Variants in SDK1 observed in about 807,000 individuals in gnomAD.
SDK1 encodes the protein sidekick cell adhesion molecule 1.
A neutral mutation model predicts 245.5 loss-of-function variants in SDK1; 157 were observed. The observed-to-expected ratio is 0.64, with a 90% CI of 0.56 to 0.73. The LOEUF (loss-of-function observed/expected upper bound fraction) is 0.73, where lower values mean the gene tolerates loss of function less well. Ranked by LOEUF, SDK1 falls within the 30% of genes least tolerant of loss-of-function variation. The pLI is 0.00. For synonymous variants in SDK1, 1,647 were observed against 1,278.5 expected (o/e 1.29, Z -6.15); for missense variants, 3,583 against 3,002.3 (o/e 1.19, Z -4.52).
Position 3,473,932 on chromosome 7 carries a change from G to A in SDK1, c.299-145148G>A, listed in dbSNP as rs554451292. Among the ~76,000 whole-genome samples, 3 of 151,980 alleles carry A rather than the reference G, an allele frequency of 2.0e-5. No homozygotes were observed. The East Asian group carries it at 5.8e-4, about 29-fold the overall frequency. On this transcript the variant is annotated intron_variant, in intron 1 of 44. Coordinates refer to ENST00000404826, the MANE Select transcript of SDK1 (RefSeq NM_152744.4). ...TAGTGGAAGGAATGTGGACTTTGGA[G>A]CCCAAATAGTTTGGGCTGAAAGACC...
At chr7:3,998,384 A>T (rs932561311) in intron 14 of SDK1, among the ~76,000 whole-genome samples, 1 of 152,294 alleles carries the variant, frequency 6.6e-6, no homozygotes, top group African/African-American at 2.4e-5. Context: ...AGTTTTGTTT[A>T]TCATGTAATA....
intron 35 of SDK1, among the ~76,000 whole-genome samples, chr7:4,205,647 G>A (rs1219661356): frequency 6.6e-6 from 1 of 152,204 alleles, no homozygotes; most frequent in Non-Finnish European, 1.5e-5. Context: ...GGAAGGATTT[G>A]TGGTCTTCCC....
intron 4 of SDK1, among the ~76,000 whole-genome samples, chr7:3,679,510 T>G (rs944564416): frequency 6.6e-6 from 1 of 151,952 alleles, no homozygotes; most frequent in Non-Finnish European, 1.5e-5. Flanking sequence ...GAGCTTGCAG[T>G]GAGCCGAGAT....
chr7:3,454,586 G>T (rs140216610), intron 1 of SDK1, among the ~76,000 whole-genome samples: 1 of 152,166 alleles, frequency 6.6e-6, no homozygotes, highest in Admixed American at 6.5e-5. Flanking sequence ...TTTGTTTTCC[G>T]TTTCTATAAT....
At chr7:4,136,916 G>A (rs1352504161) in intron 28 of SDK1, among the ~76,000 whole-genome samples, 1 of 152,202 alleles carries the variant, frequency 6.6e-6, no homozygotes, top group African/African-American at 2.4e-5. Context: ...CACAGGCCAC[G>A]GCATCTAGGC....
In SDK1 at chr7:3,552,029, CTCT is replaced by C. The variant is rs542552208; in HGVS notation, c.299-67034_299-67032del. Among the ~76,000 whole-genome samples, 865 of 151,676 alleles carry C rather than the reference CTCT, an allele frequency of 5.7e-3. 9 individuals carry two copies. The highest frequency in any genetic ancestry group is 0.017 in the African/African-American group (713 of 41,368). On this transcript the variant is annotated intron_variant, in intron 1 of 44. Coordinates refer to ENST00000404826, the MANE Select transcript of SDK1 (RefSeq NM_152744.4). ...CAACTCCTAAACATGAAAGATTTTA[CTCT>C]TCTTCTTCTTCTTCTTTTTTTTTTG... is the stretch of plus-strand genomic sequence containing the variant.
rs73298359 is a variant in SDK1, at chr7:3,406,294, C to T, written c.298+104410C>T. 2.6e-5 allele frequency among the ~76,000 whole-genome samples: 4 copies of T among 152,268 alleles called. No individual in the cohort carries two copies. The East Asian group carries it at 5.8e-4, about 22-fold the overall frequency. On this transcript the variant is annotated intron_variant, in intron 1 of 44. Transcript: ENST00000404826. Reference sequence around the variant, plus strand: ...CTGGACTCTTGGCTTTAAAAACCGTCTATCTGTATCTGTGGGAAAGCTTTT... The same window carrying T: ...CTGGACTCTTGGCTTTAAAAACCGTTTATCTGTATCTGTGGGAAAGCTTTT...
rs112585632 is a variant in SDK1, at chr7:4,158,575, G to A, written c.4729+24G>A. 1.7e-4 allele frequency: 260 copies of A among 1,556,858 alleles called. 4 individuals carry two copies. In the African/African-American group the frequency reaches 2.2e-3, roughly 13 times the overall value. ...TGGTGAGCAACCCGGGGCCCAGACC[G>A]CGTTCCTGGCCGCTGCCCCTGGAGC... On this transcript the variant is annotated intron_variant, in intron 31 of 44. Transcript: ENST00000404826.
At position 4,093,114 on chromosome 7, in the gene SDK1, C is replaced by CA. The variant is rs112420971; in HGVS notation, c.3324+13540dup. Among the ~76,000 whole-genome samples, 734 of 142,860 alleles carry CA rather than the reference C, an allele frequency of 5.1e-3. 9 individuals carry two copies. The highest frequency in any genetic ancestry group is 0.017 in the African/African-American group (670 of 38,876). 93.7% of individuals were successfully genotyped at this position (142,860 alleles called of 152,430 possible). A position where few individuals can be genotyped will look rare whatever the true frequency, so the allele number is the denominator to read the frequency against. On this transcript the variant is annotated intron_variant, in intron 22 of 44. Transcript: ENST00000404826. Reference sequence around the variant, plus strand: ...AAGTTGATGCTCAGATGTGGGTTGCCAAAAAAAAAAGCAGCAGCTTTTATA... The same window carrying CA: ...AAGTTGATGCTCAGATGTGGGTTGCCAAAAAAAAAAAGCAGCAGCTTTTATA...
intron 1 of SDK1, among the ~76,000 whole-genome samples, chr7:3,358,210 C>T: frequency 6.6e-6 from 1 of 152,004 alleles, no homozygotes; most frequent in East Asian, 1.9e-4. Flanking sequence ...TTAGTAGAGG[C>T]AGGGTTTCAC....
rs79040467 is a variant in SDK1 at position 4,204,825 on chromosome 7, G to A, written c.5099-1054G>A. On this transcript the variant is annotated intron_variant, in intron 35 of 44. Coordinates refer to ENST00000404826, the MANE Select transcript of SDK1 (RefSeq NM_152744.4). ...CCGGGAGAGCCCCAGTGGGAGGAGG[G>A]AGTAGCAGAGAATAGGCCGTCAAGA... Among the ~76,000 whole-genome samples the A allele has an allele frequency of 4.6e-5, 7 of 152,306 alleles. No homozygotes were observed. The East Asian group carries it at 1.2e-3, about 25-fold the overall frequency.
chr7:3,917,969 C>T lies in SDK1; in HGVS notation c.848-32954C>T, dbSNP rs1468158525. ...TAAAGCAGAAACCACCTCTGTTGTA[C>T]TTCTAGTTTTCTGTTTCAGGGCCCA... is the stretch of plus-strand genomic sequence containing the variant. On this transcript the variant is annotated intron_variant, in intron 5 of 44. Transcript: ENST00000404826. Among the ~76,000 whole-genome samples, 6 of 152,162 alleles carry T rather than the reference C, an allele frequency of 3.9e-5. No individual in the cohort carries two copies. The South Asian group carries it at 1.0e-3, about 26-fold the overall frequency.
chr7:3,702,135 T>G (rs1159648256), intron 4 of SDK1, among the ~76,000 whole-genome samples: 1 of 152,106 alleles, frequency 6.6e-6, no homozygotes, highest in East Asian at 1.9e-4. Flanking sequence ...AAAAATTCAA[T>G]AAGTTGGAAT....
chr7:3,867,067 C>T (rs1006020670), intron 5 of SDK1, among the ~76,000 whole-genome samples: 2 of 152,208 alleles, frequency 1.3e-5, no homozygotes, highest in Admixed American at 6.5e-5. Context: ...GGCCTTCATT[C>T]CCCGTGCTAA....
At chr7:3,610,428 A>G (rs192527537) in intron 1 of SDK1, among the ~76,000 whole-genome samples, 110 of 152,362 alleles carry the variant, frequency 7.2e-4, no homozygotes, top group Non-Finnish European at 1.4e-3. Context: ...TTGGTTGGTC[A>G]TACTTTTTCA....
intron 2 of SDK1, among the ~76,000 whole-genome samples, chr7:3,623,398 G>T (rs900333874): frequency 6.6e-6 from 1 of 151,818 alleles, no homozygotes; most frequent in South Asian, 2.1e-4. Context: ...GTGTCACCAC[G>T]CCTGGCTAAT....
intron 1 of SDK1, among the ~76,000 whole-genome samples, chr7:3,350,996 T>C (rs190932106): frequency 1.3e-5 from 2 of 152,332 alleles, no homozygotes; most frequent in Non-Finnish European, 2.9e-5. Flanking sequence ...ATCAATAATA[T>C]CTGATACTAC....
At chr7:3,680,044 C>A (rs1041151012) in intron 4 of SDK1, among the ~76,000 whole-genome samples, 1 of 152,084 alleles carries the variant, frequency 6.6e-6, no homozygotes, top group South Asian at 2.1e-4. Context: ...AGATGTTCCT[C>A]AGTGGGTGAA....
At chr7:3,530,436 C>A (rs146669468) in intron 1 of SDK1, among the ~76,000 whole-genome samples, 1 of 152,218 alleles carries the variant, frequency 6.6e-6, no homozygotes, top group African/African-American at 2.4e-5. Context: ...GAAAATTTGT[C>A]TTTTGTAATG....
Sources: gnomAD v4.1 joint callset for allele counts (sites outside exome capture counted in the v4.1 genomes callset) on GRCh38, gnomAD v4.1.1 for gene constraint, MANE v1.5 for transcripts, NCBI Gene and HGNC (gene_info 2026-07-23, HGNC 2026-07-21) for gene names.